DNASE2: variants seen among roughly 807,000 people sequenced by gnomAD.
The protein encoded by DNASE2 is deoxyribonuclease-2-alpha.
In DNASE2, 26 loss-of-function variants were observed where a neutral mutation model predicts 29.8. The observed-to-expected ratio is 0.87, with a 90% confidence interval of 0.64 to 1.21. The LOEUF (loss-of-function observed/expected upper bound fraction) is 1.21, where lower values mean the gene tolerates loss of function less well. Ranked by LOEUF, DNASE2 falls within the 50% of genes most tolerant of loss-of-function variation. The pLI is 0.00. For synonymous variants in DNASE2, 186 were observed against 193.5 expected, an observed-to-expected ratio of 0.96 and a Z score of 0.32; for missense variants, 415 against 455.6, an observed-to-expected ratio of 0.91 and a Z score of 0.81.
At chr19:12,880,528 C>A (rs980446934) in intron 3 of DNASE2, among the ~76,000 whole-genome samples, 1 of 151,756 alleles carries the variant, frequency 6.6e-6, no homozygotes, top group Admixed American at 6.6e-5. Flanking sequence ...TGTGATGGTG[C>A]GCCTTTAATA....
At chr19:12,878,864 C>G (rs1163065834) in intron 3 of DNASE2, 30 bp from the exon 4 acceptor site, 5 of 1,600,166 alleles carry the variant, frequency 3.1e-6, no homozygotes, top group African/African-American at 1.3e-5. Flanking sequence ...TAGGGGAGGT[C>G]GGGCGCAGTG....
intron 5 of DNASE2, chr19:12,878,031 T>C (rs1390800080): frequency 2.8e-6 from 1 of 358,432 alleles, no homozygotes; most frequent in Non-Finnish European, 5.4e-6. Flanking sequence ...CCCAGGCTTG[T>C]CTTGGATGCC....
chr19:12,878,811 C>T lies in DNASE2; in HGVS notation c.370G>A (p.Gly124Arg). 6.2e-7 allele frequency: 1 copy of T among 1,613,484 alleles called. No individual in the cohort carries two copies. The highest frequency in any genetic ancestry group is 8.5e-7 in the Non-Finnish European group (1 of 1,179,874). ...ACACTGTGGACCAGCCAGAAGCCCCCATCGTGGTCAAGGAGCAGGACACCT... is the reference window on the plus strand; with the variant it reads ...ACACTGTGGACCAGCCAGAAGCCCCTATCGTGGTCAAGGAGCAGGACACCT... Reference protein sequence around the residue: ...TKGVLLLDHDGGFWLVHSVPN... With the variant: ...TKGVLLLDHDRGFWLVHSVPN... Residue 124 changes from glycine to arginine, a missense_variant, in exon 4 of 6, where the codon GGG becomes AGG. By Grantham distance (125) the Gly-to-Arg change is moderately radical. Coordinates refer to ENST00000222219, the MANE Select transcript of DNASE2 (RefSeq NM_001375.3).
chr19:12,876,233 A>C lies in DNASE2; in HGVS notation c.840T>G (p.Ala280=). 6.2e-7 allele frequency: 1 copy of C among 1,614,186 alleles called. No individual in the cohort carries two copies. Among genetic ancestry groups the C allele is most frequent in the Non-Finnish European group, 8.5e-7 (1 of 1,180,036 alleles). Residue 280 remains alanine, a synonymous_variant, in exon 6 of 6, where the codon GCT becomes GCG. Coordinates refer to ENST00000222219, the MANE Select transcript of DNASE2 (RefSeq NM_001375.3). Reference sequence around the variant, plus strand: ...AGCTTGGGCCGGCTGGTCCAGGGAAAGCTATCTGGTTCACATTCAGAACCT... The same window carrying C: ...AGCTTGGGCCGGCTGGTCCAGGGAACGCTATCTGGTTCACATTCAGAACCT... ...IWQVLNVNQI[A]FPGPAGPSFN...
At position 12,881,361 on chromosome 19, in the gene DNASE2, C is replaced by A. The variant is rs1011224030; in HGVS notation, c.15G>T (p.Leu5=). 9.0e-6 allele frequency: 14 copies of A among 1,561,324 alleles called. No homozygotes were observed. The East Asian group carries it at 3.1e-4, about 35-fold the overall frequency. MIPL[L]LAALLCVPAG... ...CGGGGACGCACAGCAGCGCTGCCAG[C>A]AGCAGCGGGATCATAGCTGCTATGG... Residue 5 remains leucine, a synonymous_variant, in exon 1 of 6, where the codon CTG becomes CTT. Coordinates refer to ENST00000222219, the MANE Select transcript of DNASE2 (RefSeq NM_001375.3).
chr19:12,878,919 G>C, intron 3 of DNASE2, 85 bp from the exon 4 acceptor site: 1 of 1,490,214 alleles, frequency 6.7e-7, no homozygotes, highest in Non-Finnish European at 9.1e-7. Flanking sequence ...GAGACACACA[G>C]ATCACCTGAG....
At position 12,881,303 on chromosome 19, in the gene DNASE2, G is replaced by A; in HGVS notation, c.73C>T (p.Gln25Ter). The change falls in exon 1 of 6, where the codon CAG (glutamine) becomes TAG (stop). Residue 25 changes from glutamine to a stop codon, truncating the protein, a stop_gained. Transcript: ENST00000222219. LOFTEE classifies it high-confidence loss of function. The stretch of plus-strand genomic sequence containing the variant: ...CTGCGCACTCACCAGTCTACAGGCT[G>A]CCCGGAGTCCCCGTAGCAGGTCAGG... The part of the protein sequence containing the change: ...GALTCYGDSG[Q>*]PVDWFVVYKL... 6.4e-7 allele frequency: 1 copy of A among 1,573,030 alleles called. No individual in the cohort carries two copies. Among genetic ancestry groups the A allele is most frequent in the Non-Finnish European group, 8.6e-7 (1 of 1,160,110 alleles).
chr19:12,878,251 T>C, intron 5 of DNASE2, 131 bp downstream of exon 5: 1 of 1,185,132 alleles, frequency 8.4e-7, no homozygotes, highest in Non-Finnish European at 1.2e-6. Flanking sequence ...AACCCAGGTC[T>C]GTTCACTGAT....
chr19:12,878,259 G>T, intron 5 of DNASE2, 123 bp downstream of exon 5: 1 of 1,273,332 alleles, frequency 7.9e-7, no homozygotes, highest in Non-Finnish European at 1.1e-6. Context: ...TCTGTTCACT[G>T]ATCATGTGAT....
Position 12,878,746 on chromosome 19 carries a change from G to A in DNASE2, c.435C>T (p.Ser145=), listed in dbSNP as rs2293682. ...FPPPASSAAY[S]WPHSACTYGQ... The stretch of plus-strand genomic sequence containing the variant: ...CGTAGGTACAGGCGCTATGAGGCCA[G>A]CTGTATGCAGCAGAGGAGGCCGGTG... Residue 145 remains serine, a synonymous_variant, in exon 4 of 6, where the codon AGC becomes AGT. Coordinates refer to ENST00000222219, the MANE Select transcript of DNASE2 (RefSeq NM_001375.3). 429,671 of 1,613,616 alleles carry A rather than the reference G, an allele frequency of 0.27. 63,696 individuals carry two copies. Among genetic ancestry groups the A allele is most frequent in the East Asian group, 0.66 (29,776 of 44,844 alleles).
Position 12,878,763 on chromosome 19 carries a change from A to G in DNASE2, c.418T>C (p.Ser140Pro). The G allele has an allele frequency of 6.2e-7, 1 of 1,614,080 alleles. No individual in the cohort carries two copies. The highest frequency in any genetic ancestry group is 8.5e-7 in the Non-Finnish European group (1 of 1,179,996). Residue 140 changes from serine (S) to proline (P), a missense_variant, in exon 4 of 6, where the codon TCC becomes CCC. By Grantham distance (74) the Ser-to-Pro change is moderately conservative. Transcript: ENST00000222219. Reference sequence around the variant, plus strand: ...TGAGGCCAGCTGTATGCAGCAGAGGAGGCCGGTGGAGGGAAGTTAGGTACA... The same window carrying G: ...TGAGGCCAGCTGTATGCAGCAGAGGGGGCCGGTGGAGGGAAGTTAGGTACA... ...HSVPNFPPPA[S>P]SAAYSWPHSA...
At chr19:12,876,668 T>C (rs1599596288) in intron 5 of DNASE2, among the ~76,000 whole-genome samples, 1 of 151,148 alleles carries the variant, frequency 6.6e-6, no homozygotes, top group Non-Finnish European at 1.5e-5. Context: ...ACCAGGCTGG[T>C]CTCAAACTCC....
At position 12,880,855 on chromosome 19, in the gene DNASE2, T is replaced by C. The variant is rs1448345879; in HGVS notation, c.293A>G (p.Gln98Arg). Residue 98 changes from glutamine to arginine, a missense_variant, in exon 3 of 6, where the codon CAA becomes CGA. Gln to Arg is a conservative substitution (Grantham distance 43, BLOSUM62 1). Coordinates refer to ENST00000222219, the MANE Select transcript of DNASE2 (RefSeq NM_001375.3). Reference sequence around the variant, plus strand: ...CTGAGCCTTGCTGGGTTGAGGCGGTTGGTCATTGTAGAGCAGGAAGGCGAG... The same window carrying C: ...CTGAGCCTTGCTGGGTTGAGGCGGTCGGTCATTGTAGAGCAGGAAGGCGAG... ...SQLAFLLYND[Q>R]PPQPSKAQDS... 2 of 1,614,024 alleles carry C rather than the reference T, an allele frequency of 1.2e-6. No homozygotes were observed. The highest frequency in any genetic ancestry group is 2.7e-5 in the African/African-American group (2 of 74,894).
rs536584219 is a variant in DNASE2 at position 12,876,724 on chromosome 19, C to T, written c.710-361G>A. Among the ~76,000 whole-genome samples, 9 of 151,994 alleles carry T rather than the reference C, an allele frequency of 5.9e-5. No homozygotes were observed. In the South Asian group the frequency reaches 1.9e-3, roughly 32 times the overall value. On this transcript the variant is annotated intron_variant, in intron 5 of 5. Transcript: ENST00000222219. The stretch of plus-strand genomic sequence containing the variant: ...ACCTCGGTCTTCCAAAATGCTGGGA[C>T]TACAGGTGTGTGTCACCGCGCCCTG...
At chr19:12,877,609 T>C (rs895117226) in intron 5 of DNASE2, among the ~76,000 whole-genome samples, 1 of 146,592 alleles carries the variant, frequency 6.8e-6, no homozygotes, top group Non-Finnish European at 1.5e-5. Flanking sequence ...GCAGTGGCAC[T>C]ATCTTGACTC....
At chr19:12,880,704 C>T in intron 3 of DNASE2, 98 bp downstream of exon 3, 1 of 1,502,422 alleles carries the variant, frequency 6.7e-7, no homozygotes, top group Non-Finnish European at 9.3e-7. Context: ...TGCCCAGGGT[C>T]TGACAGTGCA....
chr19:12,878,882 C>A, intron 3 of DNASE2, 48 bp from the exon 4 acceptor site: 1 of 1,580,994 alleles, frequency 6.3e-7, no homozygotes, highest in South Asian at 1.1e-5. Flanking sequence ...GTGGCTCACG[C>A]CTGTAATCCC....
At chr19:12,876,796 G>A (rs1256674724) in intron 5 of DNASE2, among the ~76,000 whole-genome samples, 1 of 151,034 alleles carries the variant, frequency 6.6e-6, no homozygotes, top group Non-Finnish European at 1.5e-5. Context: ...CCCAGTCCTG[G>A]GAATGATGAC....
rs536925734 is a variant in DNASE2, at chr19:12,875,701, G to A, written c.*289C>T. Reference sequence around the variant, plus strand: ...GAGCCACTGCACCCACCCGTCCCCCGCCCCCCCTTTTTTTTTGAAACAGAG... The same window carrying A: ...GAGCCACTGCACCCACCCGTCCCCCACCCCCCCTTTTTTTTTGAAACAGAG... On this transcript the variant is annotated 3_prime_UTR_variant, in exon 6 of 6. Coordinates refer to ENST00000222219, the MANE Select transcript of DNASE2 (RefSeq NM_001375.3). The A allele has an allele frequency of 6.2e-4, 122 of 197,962 alleles. No individual in the cohort carries two copies. The highest frequency in any genetic ancestry group is 4.7e-4 in the Admixed American group (7 of 14,956). 12.3% of individuals were successfully genotyped at this position (197,962 alleles called of 1,614,324 possible).
Sources: allele counts gnomAD v4.1 joint callset (sites outside exome capture counted in the v4.1 genomes callset), GRCh38; gene constraint gnomAD v4.1.1; transcripts MANE v1.5; gene names NCBI Gene and HGNC (gene_info 2026-07-23, HGNC 2026-07-21).